The following DPYSL5 variants were observed in gnomAD, a reference collection of about 807,000 sequenced individuals.
DPYSL5 encodes the protein dihydropyrimidinase like 5.
In DPYSL5, 9 loss-of-function variants were observed where a neutral mutation model predicts 58.4. The ratio of observed to expected loss-of-function variants is 0.15; its 90% CI spans 0.09 to 0.27. The LOEUF (loss-of-function observed/expected upper bound fraction) is 0.27, where lower values mean the gene tolerates loss of function less well. DPYSL5 is among the 10% of genes least tolerant of loss of function. The pLI is 1.00. For missense variants in DPYSL5, 499 were observed against 770.6 expected (o/e 0.65, Z 4.17); for synonymous variants, 293 against 301.9 (o/e 0.97, Z 0.31).
At chr2:26,895,770 T>TTTTTC (rs1412932670) in intron 1 of DPYSL5, among the ~76,000 whole-genome samples, 1 of 148,402 alleles carries the variant, frequency 6.7e-6, no homozygotes, top group Non-Finnish European at 1.5e-5. Flanking sequence ...TCTCTATTTC[T>TTTTTC]TTTTCTTTTT....
intron 1 of DPYSL5, among the ~76,000 whole-genome samples, chr2:26,862,439 G>T (rs1357387050): frequency 1.3e-5 from 2 of 152,182 alleles, no homozygotes; most frequent in Non-Finnish European, 2.9e-5. Context: ...ATTATTATTT[G>T]CTATTAATGA....
chr2:26,899,302 C>T (rs939065365), intron 2 of DPYSL5, among the ~76,000 whole-genome samples: 1 of 152,156 alleles, frequency 6.6e-6, no homozygotes, highest in African/African-American at 2.4e-5. Context: ...TTAACAGTTA[C>T]TGAGCTGGAC....
At chr2:26,930,368 T>C (rs1035662486) in intron 5 of DPYSL5, among the ~76,000 whole-genome samples, 14 of 152,224 alleles carry the variant, frequency 9.2e-5, no homozygotes, top group African/African-American at 3.4e-4. Context: ...CCTGGGTCTA[T>C]GCCAGGGGAG....
chr2:26,870,046 T>A (rs1014661154), intron 1 of DPYSL5, among the ~76,000 whole-genome samples: 1 of 152,146 alleles, frequency 6.6e-6, no homozygotes, highest in African/African-American at 2.4e-5. Flanking sequence ...TATCTTCTTT[T>A]TCCATGTTTA....
chr2:26,896,781 T>C (rs1434657647), intron 1 of DPYSL5, among the ~76,000 whole-genome samples: 1 of 152,234 alleles, frequency 6.6e-6, no homozygotes, highest in African/African-American at 2.4e-5. Context: ...GATATTAACC[T>C]CTTGTGAGAT....
intron 1 of DPYSL5, among the ~76,000 whole-genome samples, chr2:26,884,211 C>T (rs139550939): frequency 1.9e-4 from 29 of 152,280 alleles, no homozygotes; most frequent in African/African-American, 4.8e-4. Flanking sequence ...TGGTCACAGA[C>T]GCTTGTCCTT....
Position 26,942,446 on chromosome 2 carries a change from C to A in DPYSL5, c.1233-97C>A. The A allele has an allele frequency of 7.3e-7, 1 of 1,372,072 alleles. No individual in the cohort carries two copies. The highest frequency in any genetic ancestry group is 1.0e-6 in the Non-Finnish European group (1 of 997,960). 85.0% of individuals were successfully genotyped at this position (1,372,072 alleles called of 1,614,324 possible). On this transcript the variant is annotated intron_variant, in intron 10 of 12. Transcript: ENST00000288699. This position sits in a 1 kb window ranked among gnomAD's most constrained non-coding sequence, Gnocchi z 5.9. ...GAATTTTGAAGGGAGCCAATTCAAC[C>A]CATAACAACCAGCCTTTGGGGCTCA...
chr2:26,881,279 G>GT (rs1271004959), intron 1 of DPYSL5, among the ~76,000 whole-genome samples: 1 of 152,142 alleles, frequency 6.6e-6, no homozygotes, highest in African/African-American at 2.4e-5. Context: ...CAGCCTAGTG[G>GT]TATCACTGCC....
At chr2:26,864,067 A>C (rs571251202) in intron 1 of DPYSL5, among the ~76,000 whole-genome samples, 2 of 152,026 alleles carry the variant, frequency 1.3e-5, no homozygotes, top group South Asian at 4.2e-4. Flanking sequence ...ACATGACAAA[A>C]CCCTATCTCT....
chr2:26,947,263 A>C lies in DPYSL5; in HGVS notation c.*268A>C. The C allele has an allele frequency of 2.3e-6, 1 of 436,498 alleles. No homozygotes were observed. The highest frequency in any genetic ancestry group is 4.3e-6 in the Non-Finnish European group (1 of 234,752). 27.0% of individuals were successfully genotyped at this position (436,498 alleles called of 1,614,324 possible). ...TTCTGGGGCCCAGGAAGCCCACACTATGCACAGAGCCCAATGCATAGAGCC... is the reference window on the plus strand; with the variant it reads ...TTCTGGGGCCCAGGAAGCCCACACTCTGCACAGAGCCCAATGCATAGAGCC... On this transcript the variant is annotated 3_prime_UTR_variant, in exon 13 of 13. Transcript: ENST00000288699. The surrounding 1 kb of genome is among the most constrained non-coding windows in gnomAD (Gnocchi z 4.2).
rs551348432 is a variant in DPYSL5, at chr2:26,947,088, G to A, written c.*93G>A. The A allele has an allele frequency of 2.4e-4, 279 of 1,154,478 alleles. No homozygotes were observed. The African/African-American group carries it at 3.8e-3, about 16-fold the overall frequency. The allele number at this position is 1,154,478 out of a possible 1,614,324, so 71.5% of individuals were successfully genotyped here. ...TGCAGGGGCAGGAGAGGCTGGGCTGGGTGGCACACCACCCGAGGGGGGCCC... is the reference window on the plus strand; with the variant it reads ...TGCAGGGGCAGGAGAGGCTGGGCTGAGTGGCACACCACCCGAGGGGGGCCC... On this transcript the variant is annotated 3_prime_UTR_variant, in exon 13 of 13. Transcript: ENST00000288699. The surrounding 1 kb of genome is among the most constrained non-coding windows in gnomAD (Gnocchi z 4.2).
At chr2:26,852,695 A>G (rs1010794555) in intron 1 of DPYSL5, among the ~76,000 whole-genome samples, 13 of 152,314 alleles carry the variant, frequency 8.5e-5, no homozygotes, top group Non-Finnish European at 1.2e-4. Context: ...CTTTCTGTTT[A>G]TCTGTGCAAT....
intron 8 of DPYSL5, among the ~76,000 whole-genome samples, chr2:26,937,053 G>C (rs867264067): frequency 7.3e-5 from 11 of 150,518 alleles, no homozygotes; most frequent in Non-Finnish European, 1.6e-4. Flanking sequence ...ATGTGGGCTT[G>C]GTTCCAAGGT....
At chr2:26,885,908 C>G (rs184162561) in intron 1 of DPYSL5, among the ~76,000 whole-genome samples, 9 of 152,354 alleles carry the variant, frequency 5.9e-5, no homozygotes, top group Non-Finnish European at 8.8e-5. Flanking sequence ...CCTCTCAGAG[C>G]AGTCTTCCTG....
intron 1 of DPYSL5, among the ~76,000 whole-genome samples, chr2:26,864,717 T>C (rs778357176): frequency 3.9e-5 from 6 of 152,158 alleles, no homozygotes; most frequent in Non-Finnish European, 8.8e-5. Flanking sequence ...AGTGTGAAGC[T>C]GCAGGAAGGG....
chr2:26,932,197 A>G (rs879858193), intron 6 of DPYSL5, among the ~76,000 whole-genome samples: 1 of 69,542 alleles, frequency 1.4e-5, no homozygotes, highest in African/African-American at 5.0e-5. Context: ...GAAAGAAAGA[A>G]AGAAAGAAAG....
At chr2:26,863,324 C>T (rs1217446413) in intron 1 of DPYSL5, among the ~76,000 whole-genome samples, 1 of 152,204 alleles carries the variant, frequency 6.6e-6, no homozygotes, top group African/African-American at 2.4e-5. Context: ...CAGCTGCTGA[C>T]CAGGAGTGTG....
intron 12 of DPYSL5, among the ~76,000 whole-genome samples, chr2:26,945,304 CTTT>C (rs71401543): frequency 3.5e-5 from 5 of 140,902 alleles, no homozygotes; most frequent in Non-Finnish European, 7.6e-5. Flanking sequence ...CCTTCACCTT[CTTT>C]TTTTTTTTTT....
At chr2:26,931,511 C>G in intron 5 of DPYSL5, 129 bp from the exon 6 acceptor site, 1 of 981,632 alleles carries the variant, frequency 1.0e-6, no homozygotes, top group Non-Finnish European at 1.5e-6. Context: ...GAGGTTAGTG[C>G]CTCTGCCCGG....
Sources: allele counts gnomAD v4.1 joint callset (sites outside exome capture counted in the v4.1 genomes callset), GRCh38; gene constraint gnomAD v4.1.1; non-coding constraint Gnocchi (gnomAD v3.1); transcripts MANE v1.5; gene names NCBI Gene and HGNC (gene_info 2026-07-23, HGNC 2026-07-21).